The following RHOBTB1 variants were observed in gnomAD, a reference collection of about 807,000 sequenced individuals.
RHOBTB1 encodes the protein rho-related BTB domain-containing protein 1.
In RHOBTB1, 40 loss-of-function variants were observed where a neutral mutation model predicts 71.6. That is an observed-to-expected ratio of 0.56 (90% CI 0.43 to 0.73). The LOEUF (loss-of-function observed/expected upper bound fraction) is 0.73, where lower values mean the gene tolerates loss of function less well. RHOBTB1 is among the 30% of genes least tolerant of loss of function. The pLI is 0.00. For missense variants in RHOBTB1, 797 were observed against 894.0 expected, an observed-to-expected ratio of 0.89 and a Z score of 1.38; for synonymous variants, 319 against 334.9, an observed-to-expected ratio of 0.95 and a Z score of 0.52.
At chr10:60,935,184 C>T (rs1002003750) in intron 2 of RHOBTB1, among the ~76,000 whole-genome samples, 6 of 152,162 alleles carry the variant, frequency 3.9e-5, no homozygotes, top group African/African-American at 1.4e-4. Flanking sequence ...CTGCTGCATA[C>T]ATTATGGATG....
chr10:60,985,145 T>C (rs1441140034), intron 2 of RHOBTB1, among the ~76,000 whole-genome samples: 2 of 152,228 alleles, frequency 1.3e-5, no homozygotes, highest in African/African-American at 4.8e-5. Context: ...GTTTTCCTTT[T>C]AAATATGCAT....
intron 2 of RHOBTB1, among the ~76,000 whole-genome samples, chr10:60,934,885 T>A (rs372373042): frequency 6.6e-6 from 1 of 152,190 alleles, no homozygotes; most frequent in African/African-American, 2.4e-5. Flanking sequence ...TTGCTTATGT[T>A]TTAAAAGTAC....
At chr10:60,908,817 A>T (rs1269032769) in intron 4 of RHOBTB1, among the ~76,000 whole-genome samples, 1 of 152,192 alleles carries the variant, frequency 6.6e-6, no homozygotes, top group Non-Finnish European at 1.5e-5. Flanking sequence ...GCTGTGAGGA[A>T]TTGGAAAAGG....
At chr10:60,887,483 G>A (rs2132602544) in intron 6 of RHOBTB1, among the ~76,000 whole-genome samples, 1 of 152,360 alleles carries the variant, frequency 6.6e-6, no homozygotes. Flanking sequence ...GTGTAAGACA[G>A]TACAAGCATG....
At position 60,891,872 on chromosome 10, in the gene RHOBTB1, G is replaced by A. The variant is rs188390941; in HGVS notation, c.482+938C>T. Among the ~76,000 whole-genome samples, 442 of 152,262 alleles carry A rather than the reference G, an allele frequency of 2.9e-3. 2 individuals are homozygous for A. Among genetic ancestry groups the A allele is most frequent in the African/African-American group, 9.7e-3 (403 of 41,550 alleles). ...CCCCATGTGTCACGGGAGGGACCTG[G>A]TGAAAGGTAACTGAATCGTGGGGGC... On this transcript the variant is annotated intron_variant, in intron 5 of 10. Coordinates refer to ENST00000337910, the MANE Select transcript of RHOBTB1 (RefSeq NM_014836.5).
chr10:60,871,125 A>C lies in RHOBTB1; in HGVS notation c.*357T>G, dbSNP rs2080758735. On this transcript the variant is annotated 3_prime_UTR_variant, in exon 11 of 11. Coordinates refer to ENST00000337910, the MANE Select transcript of RHOBTB1 (RefSeq NM_014836.5). The stretch of plus-strand genomic sequence containing the variant: ...TTTTCATTTCAACAAAATACAACAG[A>C]CCATATAAAAATATTTTCCAATCTG... The C allele has an allele frequency of 5.2e-6, 1 of 191,774 alleles. No individual in the cohort carries two copies. The highest frequency in any genetic ancestry group is 1.4e-4 in the South Asian group (1 of 7,042). The allele number at this position is 191,774 out of a possible 1,614,324, so 11.9% of individuals were successfully genotyped here.
chr10:60,921,247 C>T (rs1337458546), intron 2 of RHOBTB1, among the ~76,000 whole-genome samples: 3 of 152,168 alleles, frequency 2.0e-5, no homozygotes, highest in Non-Finnish European at 4.4e-5. Flanking sequence ...CATGCCTGAT[C>T]CTGATTTGCT....
the RHOBTB1 span, among the ~76,000 whole-genome samples, chr10:60,863,343 T>G: frequency 6.6e-6 from 1 of 152,208 alleles, no homozygotes; most frequent in Non-Finnish European, 1.5e-5. Flanking sequence ...TTTTGATCTT[T>G]AAATTGTTTT....
At chr10:60,927,830 A>G (rs559700088) in intron 2 of RHOBTB1, among the ~76,000 whole-genome samples, 15 of 152,324 alleles carry the variant, frequency 9.8e-5, no homozygotes, top group African/African-American at 3.6e-4. Context: ...ATCTCACAGC[A>G]AAAATGGACA....
chr10:60,928,929 A>G (rs1019091481), intron 2 of RHOBTB1, among the ~76,000 whole-genome samples: 1 of 152,200 alleles, frequency 6.6e-6, no homozygotes, highest in Non-Finnish European at 1.5e-5. Flanking sequence ...TACAGGCAGT[A>G]CAGGAAGCAT....
rs2080715882 is a variant in RHOBTB1, at chr10:60,870,250, T to G, written c.*1232A>C. ...CTAGTTTAACACTGAAAACTCAGAA[T>G]GAGAAAGAGTCAGAACGAACTCACA... On this transcript the variant is annotated 3_prime_UTR_variant, in exon 11 of 11. Transcript: ENST00000337910. 1 of 151,522 alleles carries G rather than the reference T, an allele frequency of 6.6e-6. No homozygotes were observed. The highest frequency in any genetic ancestry group is 2.1e-4 in the South Asian group (1 of 4,800). The allele number at this position is 151,522 out of a possible 1,614,324, so 9.4% of individuals were successfully genotyped here. A position where few individuals can be genotyped will look rare whatever the true frequency, so the allele number is the denominator to read the frequency against.
intron 2 of RHOBTB1, among the ~76,000 whole-genome samples, chr10:60,935,456 T>A (rs1473591322): frequency 7.2e-5 from 11 of 152,232 alleles, no homozygotes; most frequent in East Asian, 1.9e-4. Context: ...AATTTTTTTT[T>A]AAATATAAGA....
chr10:60,983,178 A>G (rs1230714980), intron 2 of RHOBTB1, among the ~76,000 whole-genome samples: 1 of 152,192 alleles, frequency 6.6e-6, no homozygotes, highest in African/African-American at 2.4e-5. Flanking sequence ...TCAGTATTAA[A>G]AATTTATACA....
At chr10:60,949,965 T>C (rs12769453) in intron 2 of RHOBTB1, among the ~76,000 whole-genome samples, 1 of 152,230 alleles carries the variant, frequency 6.6e-6, no homozygotes, top group African/African-American at 2.4e-5. Context: ...TAAAGTCCTT[T>C]CTGTGTGGAT....
rs552232830 is a variant in RHOBTB1, at chr10:60,901,902, G to T, written c.297-8907C>A. Among the ~76,000 whole-genome samples the T allele has an allele frequency of 2.0e-5, 3 of 152,332 alleles. No homozygotes were observed. The East Asian group carries it at 5.8e-4, about 29-fold the overall frequency. ...TGTGGACTCTCTTGGGCCCATCAAT[G>T]CTTTTCTGGGCTGAGCCACAAAGAA... is the stretch of plus-strand genomic sequence containing the variant. On this transcript the variant is annotated intron_variant, in intron 4 of 10. Coordinates refer to ENST00000337910, the MANE Select transcript of RHOBTB1 (RefSeq NM_014836.5).
At position 60,874,943 on chromosome 10, in the gene RHOBTB1, CTG is replaced by C. The variant is rs780045712; in HGVS notation, c.1815+9_1815+10del. On this transcript the variant is annotated intron_variant, in intron 9 of 10. Coordinates refer to ENST00000337910, the MANE Select transcript of RHOBTB1 (RefSeq NM_014836.5). ...ACACACTTAAAAGGTAAAAAGCAAA[CTG>C]TTACAAACCTGAGCCAATTCCAAGT... 6.3e-7 allele frequency: 1 copy of C among 1,595,938 alleles called. No homozygotes were observed.
intron 2 of RHOBTB1, among the ~76,000 whole-genome samples, chr10:60,940,748 T>C (rs1290610142): frequency 6.6e-6 from 1 of 152,098 alleles, no homozygotes; most frequent in African/African-American, 2.4e-5. Flanking sequence ...TAATCATCTA[T>C]CCAGACAAAA....
intron 9 of RHOBTB1, 88 bp from the exon 10 acceptor site, chr10:60,872,378 G>T: frequency 1.1e-6 from 1 of 895,752 alleles, no homozygotes. Flanking sequence ...AGGGTGAAAA[G>T]AAATGAAGGG....
At chr10:61,001,676 C>T (rs2087283461), upstream of RHOBTB1, among the ~76,000 whole-genome samples, 1 of 152,128 alleles carries the variant, frequency 6.6e-6, no homozygotes, top group Non-Finnish European at 1.5e-5. Flanking sequence ...GGGGCCCCAA[C>T]GCCTAGGCGG....
Sources: allele counts gnomAD v4.1 joint callset (sites outside exome capture counted in the v4.1 genomes callset), GRCh38; gene constraint gnomAD v4.1.1; transcripts MANE v1.5; gene names NCBI Gene and HGNC (gene_info 2026-07-23, HGNC 2026-07-21).